The following SPECC1 variants were observed in gnomAD, a reference collection of about 807,000 sequenced individuals.
SPECC1 encodes the protein sperm antigen with calponin homology and coiled-coil domains 1.
A neutral mutation model predicts 104.1 loss-of-function variants in SPECC1; 62 were observed. The observed-to-expected ratio is 0.60, with a 90% CI of 0.49 to 0.74. The LOEUF is 0.74. Ranked by LOEUF, SPECC1 falls within the 30% of genes least tolerant of loss-of-function variation. The pLI, the probability that SPECC1 is intolerant of heterozygous loss-of-function variation, is 0.00. For synonymous variants in SPECC1, 513 were observed against 501.6 expected (o/e 1.02, Z -0.30); for missense variants, 1,306 against 1,310.5 (o/e 1.00, Z 0.05).
In SPECC1 at chr17:20,194,525, T is replaced by G. The variant is rs868317742; in HGVS notation, c.284-9808T>G. On this transcript the variant is annotated intron_variant, in intron 3 of 14. Transcript: ENST00000395527. ...GAATTTTTTTTTTTTTTTTTTTTTT[T>G]GAGACAGAGTCTTGCTCTGTCACCA... 3.4e-4 allele frequency among the ~76,000 whole-genome samples: 49 copies of G among 143,276 alleles called. 1 individual carries two copies. The highest frequency in any genetic ancestry group is 1.3e-3 in the African/African-American group (47 of 37,526). The allele number at this position is 143,276 out of a possible 152,430, so 94.0% of individuals were successfully genotyped here.
chr17:20,235,140 G>C (rs1164362415), intron 7 of SPECC1, among the ~76,000 whole-genome samples: 1 of 152,168 alleles, frequency 6.6e-6, no homozygotes, highest in Non-Finnish European at 1.5e-5. Flanking sequence ...TGGACTGGTT[G>C]GTTAGCTGAC....
intron 5 of SPECC1, among the ~76,000 whole-genome samples, chr17:20,228,205 G>GT (rs762624891): frequency 8.6e-5 from 13 of 152,046 alleles, no homozygotes; most frequent in South Asian, 6.3e-4. Flanking sequence ...TTTTCATTTT[G>GT]TTTTTTTTAA....
intron 14 of SPECC1, among the ~76,000 whole-genome samples, chr17:20,309,463 G>A (rs1264011267): frequency 6.6e-6 from 1 of 152,096 alleles, no homozygotes; most frequent in Non-Finnish European, 1.5e-5. Context: ...GGGTACACTG[G>A]ATGATGCTGA....
intron 3 of SPECC1, chr17:20,112,336 C>G: frequency 1.3e-6 from 1 of 756,298 alleles, no homozygotes; most frequent in Non-Finnish European, 2.5e-6. Context: ...TTAGAAGAAG[C>G]AAGATTTTTT....
intron 14 of SPECC1, among the ~76,000 whole-genome samples, chr17:20,307,620 G>A (rs1319791772): frequency 6.6e-6 from 1 of 152,182 alleles, no homozygotes; most frequent in Non-Finnish European, 1.5e-5. Context: ...AGCCTGCGAG[G>A]GAGAGAGCTT....
In SPECC1 at chr17:20,196,862, CTGAA is replaced by C. The variant is rs34543449; in HGVS notation, c.284-7468_284-7465del. 2.2e-3 allele frequency among the ~76,000 whole-genome samples: 340 copies of C among 152,286 alleles called. 1 individual carries two copies. Among genetic ancestry groups the C allele is most frequent in the Non-Finnish European group, 3.9e-3 (267 of 68,034 alleles). On this transcript the variant is annotated intron_variant, in intron 3 of 14. Coordinates refer to ENST00000395527, the MANE Select transcript of SPECC1 (RefSeq NM_001243439.2). ...TAATATCTGACCTGCATAATTTAGACTGAATGTTTTTATTTTATCAGTAATTTTT... is the reference window on the plus strand; with the variant it reads ...TAATATCTGACCTGCATAATTTAGACTGTTTTTATTTTATCAGTAATTTTT...
chr17:20,133,552 T>C (rs1417746097), intron 3 of SPECC1, among the ~76,000 whole-genome samples: 1 of 152,118 alleles, frequency 6.6e-6, no homozygotes, highest in Non-Finnish European at 1.5e-5. Context: ...ACTTGACTCA[T>C]GTTATGTCTA....
chr17:20,047,705 C>G (rs1475097886), intron 1 of SPECC1, among the ~76,000 whole-genome samples: 1 of 151,876 alleles, frequency 6.6e-6, no homozygotes, highest in Non-Finnish European at 1.5e-5. Context: ...TCATGCCATT[C>G]TCCTGCCTCA....
chr17:20,021,694 A>C (rs1482269177), intron 1 of SPECC1, among the ~76,000 whole-genome samples: 1 of 111,696 alleles, frequency 9.0e-6, no homozygotes, highest in African/African-American at 4.8e-5. Flanking sequence ...ATATATATAT[A>C]TATATATATT....
chr17:20,247,659 A>G (rs751834411), intron 9 of SPECC1, among the ~76,000 whole-genome samples: 4 of 152,248 alleles, frequency 2.6e-5, no homozygotes, highest in African/African-American at 4.8e-5. Flanking sequence ...GATTCTTTTT[A>G]TAAAAGATTA....
Position 20,257,444 on chromosome 17 carries a change from C to T in SPECC1, c.2681-7C>T. The T allele has an allele frequency of 6.4e-7, 1 of 1,561,190 alleles. No homozygotes were observed. Among genetic ancestry groups the T allele is most frequent in the Non-Finnish European group, 8.6e-7 (1 of 1,159,642 alleles). ...GGGAATGAGTGATTATGTGGTTGTT[C>T]CCACAGATATTCTAAAGGGAAGGAC... On this transcript the variant is annotated splice_polypyrimidine_tract_variant and splice_region_variant and intron_variant, in intron 10 of 14. Transcript: ENST00000395527.
At chr17:20,098,297 A>G (rs1329681005) in intron 2 of SPECC1, among the ~76,000 whole-genome samples, 3 of 151,968 alleles carry the variant, frequency 2.0e-5, no homozygotes, top group African/African-American at 7.3e-5. Context: ...TCCTTTTCTC[A>G]TGTCTCACAG....
intron 9 of SPECC1, among the ~76,000 whole-genome samples, chr17:20,247,648 C>T (rs1001992927): frequency 3.3e-5 from 5 of 152,136 alleles, no homozygotes; most frequent in Admixed American, 6.5e-5. Flanking sequence ...TTTGCAGAAA[C>T]GATTCTTTTT....
At chr17:20,247,122 C>T in intron 8 of SPECC1, 97 bp from the exon 9 acceptor site, 1 of 912,454 alleles carries the variant, frequency 1.1e-6, no homozygotes, top group Non-Finnish European at 1.7e-6. Context: ...ACGGATACTC[C>T]TTAAGCCACC....
At chr17:20,269,666 A>C (rs2040333337) in intron 12 of SPECC1, among the ~76,000 whole-genome samples, 1 of 151,724 alleles carries the variant, frequency 6.6e-6, no homozygotes, top group Non-Finnish European at 1.5e-5. Context: ...GAGCCCCTGC[A>C]CCCGGCCGGT....
At chr17:20,168,246 C>T (rs376824866) in intron 3 of SPECC1, among the ~76,000 whole-genome samples, 45 of 152,164 alleles carry the variant, frequency 3.0e-4, no homozygotes, top group African/African-American at 1.0e-3. Flanking sequence ...TTTAATCCAA[C>T]CATGCATTTA....
intron 3 of SPECC1, among the ~76,000 whole-genome samples, chr17:20,203,279 T>TAAA (rs34012069): frequency 7.2e-6 from 1 of 138,482 alleles, no homozygotes. Flanking sequence ...TTTCAGTTTG[T>TAAA]AAAAAAAAAA....
intron 9 of SPECC1, 79 bp from the exon 10 acceptor site, chr17:20,253,412 TTGCACACACACGCA>T (rs2039704013): frequency 9.0e-6 from 11 of 1,227,378 alleles, no homozygotes; most frequent in Admixed American, 6.3e-5. Flanking sequence ...TTAAGAACTG[TTGCACACACACGCA>T]TGCACACACA....
intron 3 of SPECC1, among the ~76,000 whole-genome samples, chr17:20,190,854 C>A (rs1234918523): frequency 6.6e-6 from 1 of 152,060 alleles, no homozygotes; most frequent in Non-Finnish European, 1.5e-5. Context: ...CTCACCTGTG[C>A]CTGGCTCTAC....
Sources: allele counts gnomAD v4.1 joint callset (sites outside exome capture counted in the v4.1 genomes callset), GRCh38; gene constraint gnomAD v4.1.1; transcripts MANE v1.5; gene names NCBI Gene and HGNC (gene_info 2026-07-23, HGNC 2026-07-21).